CCDC171: variants seen among roughly 807,000 people sequenced by gnomAD.
CCDC171 encodes the protein coiled-coil domain containing 171.
In CCDC171, 177 loss-of-function variants were observed where a neutral mutation model predicts 168.2. That is an observed-to-expected ratio of 1.05 (90% CI 0.93 to 1.19). The LOEUF (loss-of-function observed/expected upper bound fraction) is 1.19. Among genes scored for constraint, CCDC171 ranks in the 50% most tolerant of loss-of-function variants. The probability of loss-of-function intolerance (pLI) is 0.00; values close to 1 mark genes in which losing one functional copy is unlikely to be tolerated. For synonymous variants in CCDC171, 687 were observed against 540.8 expected, an observed-to-expected ratio of 1.27 and a Z score of -3.75; for missense variants, 1,991 against 1,539.0, an observed-to-expected ratio of 1.29 and a Z score of -4.91.
intron 24 of CCDC171, among the ~76,000 whole-genome samples, chr9:15,882,781 C>T (rs554316560): frequency 1.6e-4 from 24 of 151,712 alleles, no homozygotes; most frequent in African/African-American, 5.8e-4. Context: ...CGTATTATCC[C>T]ATAAGTCTTT....
chr9:15,944,836 T>TCTTCTTTCTTTC (rs57665767), intron 25 of CCDC171, among the ~76,000 whole-genome samples: 1 of 129,850 alleles, frequency 7.7e-6, no homozygotes, highest in South Asian at 2.6e-4. Context: ...TTTCTTTCTT[T>TCTTCTTTCTTTC]TTTCTTTCTT....
intron 17 of CCDC171, 123 bp from the exon 18 acceptor site, chr9:15,745,392 T>G: frequency 4.1e-6 from 2 of 486,926 alleles, no homozygotes; most frequent in Non-Finnish European, 7.1e-6. Flanking sequence ...TTTTTCCACA[T>G]TAGGCAATGT....
intron 24 of CCDC171, among the ~76,000 whole-genome samples, chr9:15,911,241 A>G (rs923113665): frequency 6.6e-6 from 1 of 152,160 alleles, no homozygotes; most frequent in Non-Finnish European, 1.5e-5. Context: ...AGCCATTCCA[A>G]CTGGCGTGAG....
intron 11 of CCDC171, among the ~76,000 whole-genome samples, chr9:15,710,995 C>T (rs2052620208): frequency 6.6e-6 from 1 of 152,036 alleles, no homozygotes; most frequent in Admixed American, 6.6e-5. Context: ...TGATTGCATC[C>T]CATTGTATAG....
At chr9:15,588,964 C>A (rs1450232489) in intron 4 of CCDC171, among the ~76,000 whole-genome samples, 1 of 151,974 alleles carries the variant, frequency 6.6e-6, no homozygotes, top group Non-Finnish European at 1.5e-5. Context: ...CCTGCCTCGG[C>A]CTCCCAAAGG....
intron 24 of CCDC171, among the ~76,000 whole-genome samples, chr9:15,891,757 C>T (rs1820244802): frequency 6.6e-6 from 1 of 152,120 alleles, no homozygotes; most frequent in Non-Finnish European, 1.5e-5. Context: ...CTTTATTTAA[C>T]CCTGTGCTTA....
intron 25 of CCDC171, among the ~76,000 whole-genome samples, chr9:15,966,596 T>C (rs1325734111): frequency 6.6e-6 from 1 of 152,202 alleles, no homozygotes; most frequent in East Asian, 1.9e-4. Context: ...ATATTCTACC[T>C]CTTTTTTCTG....
chr9:15,803,726 T>G (rs2058938825), intron 21 of CCDC171, among the ~76,000 whole-genome samples: 1 of 150,506 alleles, frequency 6.6e-6, no homozygotes, highest in African/African-American at 2.5e-5. Context: ...TTATTGTTGT[T>G]TAGGACTGCC....
At chr9:15,789,822 G>C (rs1355739859) in intron 21 of CCDC171, among the ~76,000 whole-genome samples, 1 of 141,640 alleles carries the variant, frequency 7.1e-6, no homozygotes, top group Non-Finnish European at 1.5e-5. Context: ...TCATTGTTCA[G>C]TTCCCACCTA....
rs760242664 is a variant in CCDC171 at position 15,848,895 on chromosome 9, A to G, written c.3416A>G (p.Asp1139Gly). ...AESALRMAAKDKECVANHMRA... is the reference protein window; with the variant it reads ...AESALRMAAKGKECVANHMRA... ...ACTTAATCTTTTATTTTTTCTAGAG[A>G]CAAAGAATGTGTTGCTAATCACATG... The change falls in exon 23 of 26, where the codon GAC (aspartate) becomes GGC (glycine). Residue 1139 changes from aspartate (D) to glycine (G), a missense_variant and splice_region_variant. Physicochemically the swap from Asp to Gly is moderately conservative, Grantham distance 94. Transcript: ENST00000380701. The G allele has an allele frequency of 1.9e-6, 3 of 1,554,876 alleles. No homozygotes were observed. Among genetic ancestry groups the G allele is most frequent in the East Asian group, 4.6e-5 (2 of 43,274 alleles).
chr9:15,607,555 G>T (rs1430689918), intron 6 of CCDC171, among the ~76,000 whole-genome samples: 1 of 151,906 alleles, frequency 6.6e-6, no homozygotes, highest in Non-Finnish European at 1.5e-5. Context: ...TCTGCCTCCT[G>T]GGCTCAAGCA....
chr9:15,684,819 A>G (rs547403028), intron 10 of CCDC171, among the ~76,000 whole-genome samples: 2 of 152,334 alleles, frequency 1.3e-5, no homozygotes, highest in African/African-American at 2.4e-5. Context: ...TTCATAATAC[A>G]TTAAGATTTG....
chr9:15,769,526 ATAATAT>A (rs1467463001), intron 18 of CCDC171, among the ~76,000 whole-genome samples: 1 of 152,250 alleles, frequency 6.6e-6, no homozygotes, highest in African/African-American at 2.4e-5. Flanking sequence ...ATAGACCATG[ATAATAT>A]TAGCAGCATA....
intron 6 of CCDC171, among the ~76,000 whole-genome samples, chr9:15,621,052 G>C (rs532840039): frequency 1.3e-5 from 2 of 152,204 alleles, no homozygotes; most frequent in Admixed American, 1.3e-4. Flanking sequence ...TGCAATCTCT[G>C]CTTCCTGGGT....
intron 18 of CCDC171, among the ~76,000 whole-genome samples, chr9:15,768,822 T>C (rs1394712024): frequency 6.6e-6 from 1 of 152,220 alleles, no homozygotes; most frequent in Non-Finnish European, 1.5e-5. Flanking sequence ...ATGGTTAAAT[T>C]GGTTAATGCA....
At position 15,607,900 on chromosome 9, in the gene CCDC171, A is replaced by G. The variant is rs749477374; in HGVS notation, c.675+13728A>G. Among the ~76,000 whole-genome samples, 42 of 152,300 alleles carry G rather than the reference A, an allele frequency of 2.8e-4. 1 individual carries two copies. Among genetic ancestry groups the G allele is most frequent in the South Asian group, 6.2e-4 (3 of 4,822 alleles). On this transcript the variant is annotated intron_variant, in intron 6 of 25. Coordinates refer to ENST00000380701, the MANE Select transcript of CCDC171 (RefSeq NM_173550.4). ...CTGCCTTGTCCATTTTCTGTTGTTT[A>G]TAACAGAATATATGAAGCTGGTTAA...
At chr9:15,729,856 A>G in intron 16 of CCDC171, 58 bp downstream of exon 16, 1 of 1,452,162 alleles carries the variant, frequency 6.9e-7, no homozygotes, top group East Asian at 2.3e-5. Context: ...ACCATTAGAA[A>G]CTTTTTTTTT....
intron 24 of CCDC171, among the ~76,000 whole-genome samples, chr9:15,904,438 G>A (rs1419270970): frequency 6.6e-6 from 1 of 151,908 alleles, no homozygotes; most frequent in Admixed American, 6.6e-5. Context: ...CATAAGTGAA[G>A]GAGAAATAAA....
chr9:15,731,235 C>G (rs2134352354), intron 16 of CCDC171, among the ~76,000 whole-genome samples: 1 of 152,188 alleles, frequency 6.6e-6, no homozygotes, highest in East Asian at 1.9e-4. Flanking sequence ...CCCCAACACA[C>G]CCTTCCTAGA....
Sources: allele counts gnomAD v4.1 joint callset (sites outside exome capture counted in the v4.1 genomes callset), GRCh38; gene constraint gnomAD v4.1.1; transcripts MANE v1.5; gene names NCBI Gene and HGNC (gene_info 2026-07-23, HGNC 2026-07-21).